The following CHL1 variants were observed in gnomAD, a reference collection of about 807,000 sequenced individuals.
The protein encoded by CHL1 is neural cell adhesion molecule L1-like protein.
Under a neutral mutation model 141.9 loss-of-function variants are expected in CHL1, and 96 were observed. The ratio of observed to expected loss-of-function variants is 0.68; its 90% CI spans 0.57 to 0.80. The LOEUF (loss-of-function observed/expected upper bound fraction) is 0.80. Ranked by LOEUF, CHL1 falls within the 30% of genes least tolerant of loss-of-function variation. The pLI, the probability that CHL1 is intolerant of heterozygous loss-of-function variation, is 0.00. For synonymous variants in CHL1, 613 were observed against 502.2 expected (o/e 1.22, Z -2.95); for missense variants, 1,820 against 1,457.2 (o/e 1.25, Z -4.05).
intron 10 of CHL1, among the ~76,000 whole-genome samples, chr3:350,568 A>G (rs1479797440): frequency 6.6e-6 from 1 of 151,512 alleles, no homozygotes; most frequent in East Asian, 2.0e-4. Flanking sequence ...TTTAGTTTCC[A>G]CAAGGAACAC....
chr3:392,537 A>G lies in CHL1; in HGVS notation c.2914+740A>G, dbSNP rs1377297022. 2.0e-5 allele frequency among the ~76,000 whole-genome samples: 3 copies of G among 152,356 alleles called. No homozygotes were observed. The East Asian group carries it at 5.8e-4, about 29-fold the overall frequency. On this transcript the variant is annotated intron_variant, in intron 23 of 27. Coordinates refer to ENST00000256509, the MANE Select transcript of CHL1 (RefSeq NM_006614.4). ...TCCCTCTGAAACAGTCGTCAAGTTT[A>G]AGCATCATCTCAAAATGGAAATTCG...
chr3:318,981 A>G (rs1052011745), intron 2 of CHL1, among the ~76,000 whole-genome samples: 1 of 151,774 alleles, frequency 6.6e-6, no homozygotes, highest in African/African-American at 2.4e-5. Flanking sequence ...ACACAGCCAT[A>G]TAAAGAACAA....
intron 2 of CHL1, among the ~76,000 whole-genome samples, chr3:251,844 C>G (rs1227884606): frequency 1.3e-5 from 2 of 152,066 alleles, no homozygotes; most frequent in Non-Finnish European, 2.9e-5. Context: ...ACTAAAAAGC[C>G]TTTAAAGTGT....
At chr3:347,779 T>A (rs542680478) in intron 9 of CHL1, among the ~76,000 whole-genome samples, 1 of 152,324 alleles carries the variant, frequency 6.6e-6, no homozygotes, top group Admixed American at 6.5e-5. Flanking sequence ...AGCCAGCAGC[T>A]AATATGCTCT....
At chr3:242,346 C>T (rs1339920212) in intron 1 of CHL1, among the ~76,000 whole-genome samples, 5 of 149,824 alleles carry the variant, frequency 3.3e-5, no homozygotes, top group Admixed American at 6.7e-5. Flanking sequence ...CCTGTAATCC[C>T]AGCACTTTGG....
chr3:216,908 TC>T (rs1575617340), intron 1 of CHL1, among the ~76,000 whole-genome samples: 1 of 152,348 alleles, frequency 6.6e-6, no homozygotes, highest in East Asian at 1.9e-4. Flanking sequence ...ATGTGGTTCT[TC>T]TTTGTCAATA....
At position 341,895 on chromosome 3, in the gene CHL1, A is replaced by T. The variant is rs766073808; in HGVS notation, c.509-17A>T. 2.6e-6 allele frequency: 4 copies of T among 1,558,204 alleles called. No individual in the cohort carries two copies. The East Asian group carries it at 9.2e-5, about 36-fold the overall frequency. ...AGGGACAATTGCCCTTTTCAATGGC[A>T]AGATATCTCTTTTCAGAATTAGAAC... is the stretch of plus-strand genomic sequence containing the variant. On this transcript the variant is annotated splice_polypyrimidine_tract_variant and intron_variant, in intron 6 of 27. Transcript: ENST00000256509.
At chr3:311,289 C>T (rs1307872846) in intron 2 of CHL1, among the ~76,000 whole-genome samples, 2 of 151,968 alleles carry the variant, frequency 1.3e-5, no homozygotes, top group African/African-American at 4.8e-5. Context: ...TTGGGGGAAG[C>T]CATCAAACTG....
intron 24 of CHL1, among the ~76,000 whole-genome samples, chr3:396,060 C>G (rs1575287248): frequency 6.6e-6 from 1 of 152,110 alleles, no homozygotes; most frequent in Non-Finnish European, 1.5e-5. Context: ...TCTCAGATTC[C>G]TTAAACATTT....
intron 1 of CHL1, among the ~76,000 whole-genome samples, chr3:237,023 G>A (rs1416150520): frequency 3.3e-5 from 5 of 152,270 alleles, no homozygotes; most frequent in Middle Eastern, 6.8e-3. Flanking sequence ...AAACTCGTTA[G>A]GACCTCTGAC....
Position 234,193 on chromosome 3 carries a change from G to GTATA in CHL1, c.-174-10408_-174-10405dup, listed in dbSNP as rs35671583. 2.5e-3 allele frequency among the ~76,000 whole-genome samples: 358 copies of GTATA among 144,248 alleles called. 1 individual carries two copies. The highest frequency in any genetic ancestry group is 4.1e-3 in the Non-Finnish European group (273 of 66,086). 94.6% of individuals were successfully genotyped at this position (144,248 alleles called of 152,430 possible). A position where few individuals can be genotyped will look rare whatever the true frequency, so the allele number is the denominator to read the frequency against. On this transcript the variant is annotated intron_variant, in intron 1 of 27. Coordinates refer to ENST00000256509, the MANE Select transcript of CHL1 (RefSeq NM_006614.4). ...TTTTATTAGGTATATGTGTGTGTGT[G>GTATA]TATATATATATATATGTATATATGT...
intron 1 of CHL1, among the ~76,000 whole-genome samples, chr3:198,341 G>C (rs1442338270): frequency 6.6e-6 from 1 of 151,910 alleles, no homozygotes; most frequent in Non-Finnish European, 1.5e-5. Flanking sequence ...TGCCAGGCGC[G>C]TGCGCGAGGG....
At chr3:215,895 C>T (rs983017162) in intron 1 of CHL1, among the ~76,000 whole-genome samples, 1 of 152,038 alleles carries the variant, frequency 6.6e-6, no homozygotes, top group African/African-American at 2.4e-5. Context: ...TTTGTGATTT[C>T]TGAATTTTTT....
intron 2 of CHL1, among the ~76,000 whole-genome samples, chr3:314,864 C>T (rs988236673): frequency 2.6e-5 from 4 of 152,094 alleles, no homozygotes; most frequent in African/African-American, 9.7e-5. Flanking sequence ...GGAGGAGCTA[C>T]AAAGTCTTAT....
chr3:342,622 C>T (rs935356477), intron 7 of CHL1, among the ~76,000 whole-genome samples: 4 of 152,072 alleles, frequency 2.6e-5, no homozygotes, highest in East Asian at 1.9e-4. Context: ...GTTTGCTGAG[C>T]GAATAATTGG....
chr3:347,407 TA>T (rs1326561480), intron 9 of CHL1, among the ~76,000 whole-genome samples: 20 of 152,122 alleles, frequency 1.3e-4, no homozygotes, highest in Admixed American at 1.2e-3. Flanking sequence ...GCAGGAGGTA[TA>T]AAAAAATTGG....
chr3:279,733 T>C (rs537778166), intron 2 of CHL1, among the ~76,000 whole-genome samples: 5 of 152,076 alleles, frequency 3.3e-5, no homozygotes, highest in African/African-American at 7.2e-5. Flanking sequence ...ACTGAAACAA[T>C]GGAGGGAGGA....
At chr3:316,666 G>A (rs529599737) in intron 2 of CHL1, among the ~76,000 whole-genome samples, 1 of 151,750 alleles carries the variant, frequency 6.6e-6, no homozygotes, top group Non-Finnish European at 1.5e-5. Flanking sequence ...ATAACACAAA[G>A]AAATGATAAA....
chr3:390,730 G>T lies in CHL1; in HGVS notation c.2500G>T (p.Val834Leu). The stretch of plus-strand genomic sequence containing the variant: ...TGATACAGCTCCAGTGATCCATGGG[G>T]TGGACGTTATAAACAGTACATTAGT... ...YPDTAPVIHG[V>L]DVINSTLVKV... is the part of the protein sequence containing the mutation. The change falls in exon 21 of 28, where the codon GTG becomes TTG. Residue 834 changes from valine to leucine, a missense_variant. Transcript: ENST00000256509. 1.9e-6 allele frequency: 3 copies of T among 1,606,264 alleles called. No homozygotes were observed. Among genetic ancestry groups the T allele is most frequent in the East Asian group, 2.2e-5 (1 of 44,804 alleles).
Sources: gnomAD v4.1 joint callset for allele counts (sites outside exome capture counted in the v4.1 genomes callset) on GRCh38, gnomAD v4.1.1 for gene constraint, MANE v1.5 for transcripts, NCBI Gene and HGNC (gene_info 2026-07-23, HGNC 2026-07-21) for gene names.